MCF2L: variants seen among roughly 807,000 people sequenced by gnomAD.
MCF2L encodes MCF.2 cell line derived transforming sequence like.
Under a neutral mutation model 153.4 loss-of-function variants are expected in MCF2L, and 97 were observed. The ratio of observed to expected loss-of-function variants is 0.63; its 90% CI spans 0.54 to 0.75. MCF2L has a LOEUF of 0.75. Among genes scored for constraint, MCF2L ranks in the 30% least tolerant of loss-of-function variants. MCF2L has a pLI of 0.00. For synonymous variants in MCF2L, 659 were observed against 632.2 expected (o/e 1.04, Z -0.64); for missense variants, 1,347 against 1,495.2 (o/e 0.90, Z 1.64).
At position 113,038,440 on chromosome 13, in the gene MCF2L, G is replaced by A. The variant is rs148587600; in HGVS notation, c.279-6831G>A. Among the ~76,000 whole-genome samples the A allele has an allele frequency of 4.1e-3, 599 of 146,716 alleles. 6 individuals are homozygous for A. The highest frequency in any genetic ancestry group is 0.015 in the African/African-American group (575 of 39,324). On this transcript the variant is annotated intron_variant, in intron 3 of 29. Transcript: ENST00000535094. ...ATATCGCGCCACTGCACTCCAGCCT[G>A]GGTGACAGAGCGAGCCTCCATCTCA... is the stretch of plus-strand genomic sequence containing the variant.
chr13:112,991,412 C>G (rs1315862219), intron 1 of MCF2L, among the ~76,000 whole-genome samples: 1 of 151,784 alleles, frequency 6.6e-6, no homozygotes, highest in Admixed American at 6.6e-5. Context: ...GGGGGTGTCT[C>G]TGAGGACCTG....
intron 2 of MCF2L, among the ~76,000 whole-genome samples, chr13:112,927,987 A>G (rs2081425095): frequency 6.6e-6 from 1 of 152,280 alleles, no homozygotes; most frequent in Admixed American, 6.5e-5. Context: ...TAGAAAACAC[A>G]GAGAAAAATA....
chr13:113,037,858 G>A (rs1363764491), intron 3 of MCF2L, among the ~76,000 whole-genome samples: 2 of 152,206 alleles, frequency 1.3e-5, no homozygotes, highest in Non-Finnish European at 2.9e-5. Flanking sequence ...AAGTCTTAAG[G>A]ATTGAAACAG....
In MCF2L at chr13:113,028,921, G is replaced by T. The variant is rs536813166; in HGVS notation, c.278+4163G>T. ...GTAATGTGAGCATGTGGCATGTGTG[G>T]GGTAAGTGGTGTGTGTGGTATGTGT... On this transcript the variant is annotated intron_variant, in intron 3 of 29. Coordinates refer to ENST00000535094, the MANE Select transcript of MCF2L (RefSeq NM_001112732.3). This position sits in a 1 kb window ranked among gnomAD's most constrained non-coding sequence, Gnocchi z 5.4. 6.6e-6 allele frequency among the ~76,000 whole-genome samples: 1 copy of T among 151,118 alleles called. No homozygotes were observed. Among genetic ancestry groups the T allele is most frequent in the African/African-American group, 2.4e-5 (1 of 41,118 alleles).
intron 26 of MCF2L, among the ~76,000 whole-genome samples, chr13:113,091,878 G>A (rs887557392): frequency 2.6e-5 from 4 of 152,176 alleles, no homozygotes; most frequent in Non-Finnish European, 5.9e-5. Flanking sequence ...GTTCCCAGGG[G>A]TGTAAGCAGA....
In MCF2L at chr13:113,045,052, C is replaced by A; in HGVS notation, c.279-219C>A. On this transcript the variant is annotated intron_variant, in intron 3 of 29. Transcript: ENST00000535094. This position sits in a 1 kb window ranked among gnomAD's most constrained non-coding sequence, Gnocchi z 4.2. ...TTGGTGTTAGGCTGAGAAATAAGAA[C>A]ACACCAAAAGTGCCTGCCCTTCCGT... is the stretch of plus-strand genomic sequence containing the variant. 9.2e-7 allele frequency: 1 copy of A among 1,086,964 alleles called. No individual in the cohort carries two copies. Among genetic ancestry groups the A allele is most frequent in the Non-Finnish European group, 1.3e-6 (1 of 751,486 alleles). 67.3% of individuals were successfully genotyped at this position (1,086,964 alleles called of 1,614,324 possible).
At chr13:113,032,106 C>G (rs2085763844) in intron 3 of MCF2L, among the ~76,000 whole-genome samples, 1 of 152,144 alleles carries the variant, frequency 6.6e-6, no homozygotes, top group South Asian at 2.1e-4. Context: ...GGCTTCCAGT[C>G]AAGAGGAGAG....
intron 8 of MCF2L, 60 bp from the exon 9 acceptor site, chr13:113,069,999 G>A: frequency 6.6e-6 from 8 of 1,214,590 alleles, no homozygotes; most frequent in Non-Finnish European, 7.1e-6. Context: ...CACCCACCGC[G>A]CTCCACGTTG....
intron 1 of MCF2L, among the ~76,000 whole-genome samples, chr13:112,971,055 A>G (rs191236193): frequency 3.3e-5 from 5 of 152,266 alleles, no homozygotes; most frequent in Admixed American, 3.3e-4. Context: ...ACCCATTAAC[A>G]CTGGCCTCTT....
chr13:112,937,116 C>T (rs1348923593), intron 2 of MCF2L, among the ~76,000 whole-genome samples: 1 of 152,196 alleles, frequency 6.6e-6, no homozygotes, highest in South Asian at 2.1e-4. Context: ...TACAGTGGCT[C>T]GATCATGGCT....
chr13:113,085,958 A>G (rs2142034058), intron 20 of MCF2L, among the ~76,000 whole-genome samples, 166 bp from the exon 21 acceptor site: 1 of 151,866 alleles, frequency 6.6e-6, no homozygotes, highest in Middle Eastern at 3.4e-3. Flanking sequence ...CATCTGCAGC[A>G]CCACTCAGTC....
chr13:112,916,414 C>T (rs749029463), intron 2 of MCF2L, among the ~76,000 whole-genome samples: 1 of 152,174 alleles, frequency 6.6e-6, no homozygotes, highest in Non-Finnish European at 1.5e-5. Flanking sequence ...ATCTTCTGAG[C>T]TCCTGCTTGA....
intron 3 of MCF2L, among the ~76,000 whole-genome samples, chr13:113,029,768 C>T (rs1054862162): frequency 2.0e-5 from 3 of 152,278 alleles, no homozygotes; most frequent in Non-Finnish European, 4.4e-5. Flanking sequence ...AGATGGTGGA[C>T]GAGACCCTGG....
intron 9 of MCF2L, among the ~76,000 whole-genome samples, chr13:113,072,478 T>C (rs2033019847): frequency 6.6e-6 from 1 of 152,212 alleles, no homozygotes; most frequent in Non-Finnish European, 1.5e-5. Context: ...ATGTTAGTTG[T>C]AGGATTCTTG....
intron 2 of MCF2L, among the ~76,000 whole-genome samples, chr13:112,903,585 C>T (rs1452033120): frequency 6.6e-6 from 1 of 152,064 alleles, no homozygotes; most frequent in African/African-American, 2.4e-5. Flanking sequence ...CACTTGGAAA[C>T]GCAGGCTGTT....
At chr13:112,998,673 G>A (rs746284095) in intron 1 of MCF2L, among the ~76,000 whole-genome samples, 2 of 152,176 alleles carry the variant, frequency 1.3e-5, no homozygotes, top group Non-Finnish European at 2.9e-5. Context: ...CTGCGCTCCC[G>A]ATCCCAGGTG....
chr13:112,901,364 G>A (rs146169163), intron 1 of MCF2L, among the ~76,000 whole-genome samples: 57 of 152,302 alleles, frequency 3.7e-4, no homozygotes, highest in Non-Finnish European at 6.9e-4. Context: ...ATGTTGGCCA[G>A]GCTGGTCTTG....
chr13:113,048,437 CTT>C (rs35857164), intron 4 of MCF2L, among the ~76,000 whole-genome samples: 145 of 104,160 alleles, frequency 1.4e-3, no homozygotes, highest in African/African-American at 4.1e-3. Flanking sequence ...AATTTACGGT[CTT>C]TTTTTTTTTT....
At chr13:112,981,506 C>T (rs1422091224) in intron 1 of MCF2L, among the ~76,000 whole-genome samples, 2 of 152,226 alleles carry the variant, frequency 1.3e-5, no homozygotes, top group African/African-American at 4.8e-5. Flanking sequence ...GAGACACCCC[C>T]ATCCTGTAAG....
Sources: gnomAD v4.1 joint callset for allele counts (sites outside exome capture counted in the v4.1 genomes callset) on GRCh38, gnomAD v4.1.1 for gene constraint, Gnocchi (gnomAD v3.1) non-coding constraint, MANE v1.5 for transcripts, NCBI Gene and HGNC (gene_info 2026-07-23, HGNC 2026-07-21) for gene names.